The following VMP1 variants were observed in gnomAD, a reference collection of about 807,000 sequenced individuals.
VMP1 encodes vacuole membrane protein 1.
Under a neutral mutation model 56.0 loss-of-function variants are expected in VMP1, and 11 were observed. The ratio of observed to expected loss-of-function variants is 0.20; its 90% CI spans 0.12 to 0.32. The LOEUF is 0.32. Among genes scored for constraint, VMP1 ranks in the 10% least tolerant of loss-of-function variants. The pLI, the probability that VMP1 is intolerant of heterozygous loss-of-function variation, is 1.00. For synonymous variants in VMP1, 149 were observed against 165.0 expected, an observed-to-expected ratio of 0.90 and a Z score of 0.74; for missense variants, 296 against 490.3, an observed-to-expected ratio of 0.60 and a Z score of 3.74.
chr17:59,809,045 G>A (rs923182202), intron 8 of VMP1, among the ~76,000 whole-genome samples, 169 bp downstream of exon 8: 4 of 151,476 alleles, frequency 2.6e-5, no homozygotes. Context: ...TGTCACCCAG[G>A]CTGGAGTGCA....
At chr17:59,757,268 GATA>G (rs2035877012) in intron 5 of VMP1, among the ~76,000 whole-genome samples, 3 of 151,874 alleles carry the variant, frequency 2.0e-5, no homozygotes, top group Admixed American at 6.6e-5. Flanking sequence ...TAGATAGATA[GATA>G]GATAGATAGA....
chr17:59,782,833 C>CA lies in VMP1; in HGVS notation c.714+8956dup, dbSNP rs796538765. On this transcript the variant is annotated intron_variant, in intron 7 of 11. Coordinates refer to ENST00000262291, the MANE Select transcript of VMP1 (RefSeq NM_030938.5). ...AGCCAAAAAAGTAAAAACAAACAAACAAAAAAAACCACTTGGCTTTCATTG... is the reference window on the plus strand; with the variant it reads ...AGCCAAAAAAGTAAAAACAAACAAACAAAAAAAAACCACTTGGCTTTCATTG... 2.0e-3 allele frequency among the ~76,000 whole-genome samples: 298 copies of CA among 151,796 alleles called. 2 individuals are homozygous for CA. Among genetic ancestry groups the CA allele is most frequent in the African/African-American group, 6.6e-3 (274 of 41,378 alleles).
intron 10 of VMP1, among the ~76,000 whole-genome samples, chr17:59,821,731 T>G (rs967132160): frequency 1.3e-5 from 2 of 151,900 alleles, no homozygotes; most frequent in African/African-American, 4.8e-5. Context: ...TTTTTATTTT[T>G]AGTAGGGACA....
At chr17:59,759,620 T>A (rs929246128) in intron 5 of VMP1, among the ~76,000 whole-genome samples, 3 of 152,206 alleles carry the variant, frequency 2.0e-5, no homozygotes, top group African/African-American at 2.4e-5. Flanking sequence ...ATGGATTTTT[T>A]AAATGGTTTT....
chr17:59,766,585 A>G (rs2036238514), intron 6 of VMP1, among the ~76,000 whole-genome samples: 1 of 152,212 alleles, frequency 6.6e-6, no homozygotes, highest in Admixed American at 6.5e-5. Context: ...GTAAGGTCAG[A>G]CATTTCTTAA....
At chr17:59,750,829 G>T (rs993961803) in intron 5 of VMP1, among the ~76,000 whole-genome samples, 1 of 151,628 alleles carries the variant, frequency 6.6e-6, no homozygotes, top group Non-Finnish European at 1.5e-5. Context: ...AGCAAGTAGT[G>T]CAAGTTACAA....
chr17:59,807,354 C>T (rs1598422599), intron 7 of VMP1, among the ~76,000 whole-genome samples: 1 of 151,706 alleles, frequency 6.6e-6, no homozygotes, highest in Non-Finnish European at 1.5e-5. Flanking sequence ...CCTGCCAGCA[C>T]GCCCGGCTAA....
chr17:59,757,235 A>G (rs973824232), intron 5 of VMP1, among the ~76,000 whole-genome samples: 1 of 135,694 alleles, frequency 7.4e-6, no homozygotes, highest in Admixed American at 8.0e-5. Context: ...CCAGATTAGG[A>G]TGGAGATAGA....
At chr17:59,777,497 A>T (rs560283510) in intron 7 of VMP1, among the ~76,000 whole-genome samples, 208 of 150,610 alleles carry the variant, frequency 1.4e-3, no homozygotes, top group African/African-American at 4.8e-3. Context: ...TAGGTTCATT[A>T]TCTGAGGTAC....
intron 7 of VMP1, among the ~76,000 whole-genome samples, chr17:59,793,419 G>C (rs8074774): frequency 0.75 from 85,373 of 114,588 alleles, 38,506 homozygotes; most frequent in East Asian, 0.91. Context: ...TAATATATCC[G>C]TTTACTTATT....
At chr17:59,827,227 TGATC>T (rs1391959625) in intron 10 of VMP1, among the ~76,000 whole-genome samples, 2 of 152,076 alleles carry the variant, frequency 1.3e-5, no homozygotes, top group Non-Finnish European at 2.9e-5. Flanking sequence ...TGTGCTCAAG[TGATC>T]CTCCTGCCTC....
rs986928978 is a variant in VMP1 at position 59,749,199 on chromosome 17, C to T, written c.414+10252C>T. Among the ~76,000 whole-genome samples, 12 of 151,720 alleles carry T rather than the reference C, an allele frequency of 7.9e-5. 1 individual carries two copies. In the South Asian group the frequency reaches 1.0e-3, roughly 13 times the overall value. ...GCCTTGAACTCCTGACCTCGCGATCCGCCTACCTCAGCCTCCCAAAGTGCT... is the reference window on the plus strand; with the variant it reads ...GCCTTGAACTCCTGACCTCGCGATCTGCCTACCTCAGCCTCCCAAAGTGCT... On this transcript the variant is annotated intron_variant, in intron 5 of 11. Transcript: ENST00000262291.
At chr17:59,794,005 C>T (rs1456396898) in intron 7 of VMP1, among the ~76,000 whole-genome samples, 1 of 151,734 alleles carries the variant, frequency 6.6e-6, no homozygotes, top group African/African-American at 2.4e-5. Context: ...ACTGCAAGCT[C>T]CGCCTCCCAG....
intron 10 of VMP1, among the ~76,000 whole-genome samples, chr17:59,829,143 G>C (rs905461104): frequency 6.6e-6 from 1 of 152,012 alleles, no homozygotes; most frequent in Non-Finnish European, 1.5e-5. Flanking sequence ...AAAACAAAAA[G>C]ATTCATGTGT....
intron 5 of VMP1, among the ~76,000 whole-genome samples, chr17:59,744,404 G>A (rs1459455119): frequency 1.4e-5 from 2 of 147,104 alleles, no homozygotes; most frequent in Non-Finnish European, 3.0e-5. Context: ...GGAGGTTGCA[G>A]TGAGCCGAGA....
chr17:59,764,346 A>G (rs1404540246), intron 5 of VMP1, among the ~76,000 whole-genome samples: 1 of 152,116 alleles, frequency 6.6e-6, no homozygotes, highest in African/African-American at 2.4e-5. Context: ...TTTTTTTATA[A>G]GGGATGGGGC....
At chr17:59,727,919 C>T (rs954984318) in intron 1 of VMP1, among the ~76,000 whole-genome samples, 165 of 152,292 alleles carry the variant, frequency 1.1e-3, no homozygotes, top group African/African-American at 3.8e-3. Flanking sequence ...TGCTTAAGAT[C>T]ACACAACTAA....
chr17:59,835,110 G>C (rs1032479660), intron 10 of VMP1, among the ~76,000 whole-genome samples: 2 of 151,804 alleles, frequency 1.3e-5, no homozygotes, highest in Non-Finnish European at 2.9e-5. Flanking sequence ...TGGCCAGGCT[G>C]TTTTGTTTTT....
chr17:59,745,981 G>A (rs2035409445), intron 5 of VMP1, among the ~76,000 whole-genome samples: 1 of 152,116 alleles, frequency 6.6e-6, no homozygotes, highest in East Asian at 1.9e-4. Context: ...TGAAATTTGT[G>A]TTTAGAATGA....
Sources: gnomAD v4.1 joint callset for allele counts (sites outside exome capture counted in the v4.1 genomes callset) on GRCh38, gnomAD v4.1.1 for gene constraint, MANE v1.5 for transcripts, NCBI Gene and HGNC (gene_info 2026-07-23, HGNC 2026-07-21) for gene names.